Variants in PAPPA2 observed in about 807,000 individuals in gnomAD.
The protein encoded by PAPPA2 is pappalysin 2, also known as pappalysin-2.
PAPPA2 carries 86 observed loss-of-function variants against 176.4 expected under a neutral mutation model. That is an observed-to-expected ratio of 0.49 (90% CI 0.41 to 0.58). The LOEUF is 0.58. PAPPA2 is among the 20% of genes least tolerant of loss of function. PAPPA2 has a pLI of 0.00. For missense variants in PAPPA2, 2,073 were observed against 2,256.9 expected (o/e 0.92, Z 1.65); for synonymous variants, 809 against 852.2 (o/e 0.95, Z 0.88).
chr1:176,654,532 A>G (rs1404947314), intron 3 of PAPPA2, among the ~76,000 whole-genome samples: 1 of 146,992 alleles, frequency 6.8e-6, no homozygotes, highest in Non-Finnish European at 1.5e-5. Flanking sequence ...GCCTCCAGCT[A>G]TTTTTTTTTT....
chr1:176,682,159 C>T (rs926617294), intron 4 of PAPPA2, among the ~76,000 whole-genome samples: 1 of 152,178 alleles, frequency 6.6e-6, no homozygotes, highest in African/African-American at 2.4e-5. Context: ...TAAGAACTAT[C>T]CACTGATATA....
At chr1:176,524,798 C>G (rs955882864) in intron 1 of PAPPA2, among the ~76,000 whole-genome samples, 1 of 151,998 alleles carries the variant, frequency 6.6e-6, no homozygotes, top group Admixed American at 6.6e-5. Context: ...CCCTGGCGGG[C>G]GGATCATGAG....
chr1:176,653,980 A>G (rs1298807564), intron 3 of PAPPA2, among the ~76,000 whole-genome samples: 1 of 151,326 alleles, frequency 6.6e-6, no homozygotes. Flanking sequence ...TCTTCTGCCT[A>G]TTTTTTTAAA....
At chr1:176,661,657 A>G (rs1389419239) in intron 3 of PAPPA2, among the ~76,000 whole-genome samples, 1 of 151,722 alleles carries the variant, frequency 6.6e-6, no homozygotes, top group Non-Finnish European at 1.5e-5. Flanking sequence ...AAGTGAAGGC[A>G]GTGAGAAGGA....
Position 176,595,142 on chromosome 1 carries a change from A to G in PAPPA2, c.1538A>G (p.Tyr513Cys), listed in dbSNP as rs371844836. ...GACAATGTGGAATTGATCTCCCAGT[A>G]CAATGGATACTGGCCCCTTCGGGGA... ...VCDNVELISQ[Y>C]NGYWPLRGEK... Residue 513 changes from tyrosine (Y) to cysteine (C), a missense_variant, in exon 3 of 23, where the codon TAC (tyrosine) becomes TGC (cysteine). Tyr to Cys is a radical substitution (Grantham distance 194, BLOSUM62 -2). Around this residue, in one of 4 missense-constraint regions of PAPPA2, gnomAD observed 1,196 missense variants for 1,330.4 expected, o/e 0.90. Transcript: ENST00000367662. The G allele has an allele frequency of 1.2e-6, 2 of 1,614,222 alleles. No homozygotes were observed. The highest frequency in any genetic ancestry group is 1.7e-6 in the Non-Finnish European group (2 of 1,180,050).
intron 11 of PAPPA2, among the ~76,000 whole-genome samples, chr1:176,711,499 G>C (rs1661138785): frequency 6.6e-6 from 1 of 152,106 alleles, no homozygotes; most frequent in African/African-American, 2.4e-5. Context: ...ATGCTGCCTG[G>C]TAAGGGCTTC....
intron 4 of PAPPA2, among the ~76,000 whole-genome samples, chr1:176,675,912 T>A (rs978707014): frequency 1.8e-4 from 27 of 152,020 alleles, no homozygotes; most frequent in Admixed American, 3.9e-4. Flanking sequence ...CAGTTAGAAA[T>A]AGGCAAAGGC....
At chr1:176,841,082 T>A (rs1032299684) in intron 22 of PAPPA2, among the ~76,000 whole-genome samples, 1 of 152,218 alleles carries the variant, frequency 6.6e-6, no homozygotes, top group African/African-American at 2.4e-5. Flanking sequence ...TGAATTAACT[T>A]ATTTAATGCA....
chr1:176,636,591 C>T (rs1041161425), intron 3 of PAPPA2, among the ~76,000 whole-genome samples: 1 of 151,850 alleles, frequency 6.6e-6, no homozygotes, highest in South Asian at 2.1e-4. Flanking sequence ...TTTTTTTTCC[C>T]ATCACAAAAA....
intron 21 of PAPPA2, 24 bp downstream of exon 21, chr1:176,800,156 A>T (rs373154375): frequency 6.2e-7 from 1 of 1,611,384 alleles, no homozygotes; most frequent in East Asian, 2.2e-5. Context: ...CCCTTCCCCA[A>T]CTCAGACTAG....
intron 14 of PAPPA2, among the ~76,000 whole-genome samples, chr1:176,761,941 A>G (rs909258522): frequency 6.6e-6 from 1 of 152,218 alleles, no homozygotes; most frequent in Non-Finnish European, 1.5e-5. Flanking sequence ...TACTTTTACT[A>G]CTTATGTAGT....
At chr1:176,636,030 C>T (rs1425935882) in intron 3 of PAPPA2, among the ~76,000 whole-genome samples, 1 of 151,548 alleles carries the variant, frequency 6.6e-6, no homozygotes, top group Admixed American at 6.6e-5. Context: ...ACCAGGGCAT[C>T]ACAGTAAATA....
At chr1:176,650,655 G>A (rs992166568) in intron 3 of PAPPA2, among the ~76,000 whole-genome samples, 6 of 151,326 alleles carry the variant, frequency 4.0e-5, no homozygotes, top group East Asian at 2.0e-4. Flanking sequence ...GAGAACATGC[G>A]GTGTTTGGTT....
chr1:176,527,600 A>G (rs1270743786), intron 1 of PAPPA2, among the ~76,000 whole-genome samples: 1 of 152,228 alleles, frequency 6.6e-6, no homozygotes, highest in East Asian at 1.9e-4. Context: ...TCAGAAGAAT[A>G]AAAGAGCTAT....
intron 4 of PAPPA2, among the ~76,000 whole-genome samples, chr1:176,680,465 G>A (rs543223819): frequency 9.2e-5 from 14 of 152,250 alleles, no homozygotes; most frequent in African/African-American, 3.1e-4. Flanking sequence ...ATCACGTTTT[G>A]TTAAACTAGA....
chr1:176,497,398 A>G (rs1647689188), intron 1 of PAPPA2, among the ~76,000 whole-genome samples: 1 of 152,182 alleles, frequency 6.6e-6, no homozygotes, highest in African/African-American at 2.4e-5. Flanking sequence ...TCATTACCAA[A>G]GACTTCTAAT....
At chr1:176,787,631 A>G (rs1158538931) in intron 17 of PAPPA2, among the ~76,000 whole-genome samples, 1 of 152,226 alleles carries the variant, frequency 6.6e-6, no homozygotes, top group East Asian at 1.9e-4. Flanking sequence ...TTCTAAGTAT[A>G]TATTATTTAC....
chr1:176,611,067 C>T (rs1654894861), intron 3 of PAPPA2, among the ~76,000 whole-genome samples: 1 of 152,068 alleles, frequency 6.6e-6, no homozygotes, highest in Non-Finnish European at 1.5e-5. Flanking sequence ...TTCTGGGCTC[C>T]CTCCATGTTA....
intron 9 of PAPPA2, among the ~76,000 whole-genome samples, chr1:176,704,439 A>G (rs1660789617): frequency 6.6e-6 from 1 of 152,166 alleles, no homozygotes; most frequent in East Asian, 1.9e-4. Flanking sequence ...CAAAACAAGC[A>G]CGATGCAGGG....
Sources: allele counts gnomAD v4.1 joint callset (sites outside exome capture counted in the v4.1 genomes callset), GRCh38; gene constraint gnomAD v4.1.1; regional missense constraint gnomAD v4.1.1; transcripts MANE v1.5; gene names NCBI Gene and HGNC (gene_info 2026-07-23, HGNC 2026-07-21).